The following RGS6 variants were observed in gnomAD, a reference collection of about 807,000 sequenced individuals.
RGS6 encodes regulator of G protein signaling 6.
Under a neutral mutation model 78.5 loss-of-function variants are expected in RGS6, and 30 were observed. That is an observed-to-expected ratio of 0.38 (90% CI 0.29 to 0.52). The LOEUF is 0.52. Ranked by LOEUF, RGS6 falls within the 20% of genes least tolerant of loss-of-function variation. RGS6 has a pLI of 0.85. For synonymous variants in RGS6, 206 were observed against 206.0 expected (o/e 1.00, Z 0.00); for missense variants, 495 against 609.7 (o/e 0.81, Z 1.98).
At chr14:72,235,415 A>G (rs1472313556) in intron 2 of RGS6, among the ~76,000 whole-genome samples, 1 of 152,250 alleles carries the variant, frequency 6.6e-6, no homozygotes, top group Non-Finnish European at 1.5e-5. Flanking sequence ...AGGACCCAAG[A>G]ATATGGAAGG....
chr14:71,873,091 G>A, the RGS6 span, among the ~76,000 whole-genome samples: 155 of 152,190 alleles, frequency 1.0e-3, no homozygotes, highest in African/African-American at 3.3e-3. Flanking sequence ...GAATAGTGCC[G>A]CAATAAACAT....
chr14:72,231,389 A>C (rs1293217935), intron 2 of RGS6, among the ~76,000 whole-genome samples: 1 of 152,176 alleles, frequency 6.6e-6, no homozygotes, highest in Admixed American at 6.5e-5. Flanking sequence ...GGTATATTGG[A>C]GTTTATTTAT....
In RGS6 at chr14:72,047,281, G is replaced by T. The variant is rs184716526; in HGVS notation, c.84+82406G>T. Reference sequence around the variant, plus strand: ...GATTAAACAATGTTGTTTCTGGAAAGAATAATAGAAATGGTTATTATTAGT... The same window carrying T: ...GATTAAACAATGTTGTTTCTGGAAATAATAATAGAAATGGTTATTATTAGT... On this transcript the variant is annotated intron_variant, in intron 2 of 17. Transcript: ENST00000553525. Among the ~76,000 whole-genome samples, 65 of 152,326 alleles carry T rather than the reference G, an allele frequency of 4.3e-4. 1 individual carries two copies. Among genetic ancestry groups the T allele is most frequent in the Admixed American group, 4.1e-3 (63 of 15,306 alleles).
At chr14:72,288,528 G>A (rs1007907242) in intron 2 of RGS6, among the ~76,000 whole-genome samples, 5 of 152,200 alleles carry the variant, frequency 3.3e-5, no homozygotes, top group Non-Finnish European at 5.9e-5. Context: ...GTCTGTCAGA[G>A]TTTGCCAGGT....
intron 2 of RGS6, among the ~76,000 whole-genome samples, chr14:72,295,720 C>T (rs940131373): frequency 2.0e-5 from 3 of 152,078 alleles, no homozygotes; most frequent in Non-Finnish European, 4.4e-5. Flanking sequence ...TAATATTTGA[C>T]ATTCTATTGG....
At chr14:72,202,718 A>G (rs1400674663) in intron 2 of RGS6, among the ~76,000 whole-genome samples, 1 of 151,822 alleles carries the variant, frequency 6.6e-6, no homozygotes, top group Non-Finnish European at 1.5e-5. Flanking sequence ...GGAGATGCAA[A>G]CCCTTGGAGG....
chr14:72,215,103 T>C (rs1053195806), intron 2 of RGS6, among the ~76,000 whole-genome samples: 1 of 152,224 alleles, frequency 6.6e-6, no homozygotes, highest in Non-Finnish European at 1.5e-5. Context: ...TTCGTTGTTG[T>C]TCATGTCACT....
chr14:71,987,339 G>C (rs1008668065), intron 2 of RGS6, among the ~76,000 whole-genome samples: 8 of 152,014 alleles, frequency 5.3e-5, no homozygotes, highest in African/African-American at 1.9e-4. Flanking sequence ...AGTGAGGATG[G>C]GAGGGTGGCT....
At chr14:71,922,860 A>ACAAAG in the RGS6 span, among the ~76,000 whole-genome samples, 1 of 129,860 alleles carries the variant, frequency 7.7e-6, no homozygotes, top group East Asian at 2.0e-4. Context: ...AAAAACAAAA[A>ACAAAG]CAAAACAAAA....
At chr14:72,345,901 C>A (rs897201350) in intron 2 of RGS6, among the ~76,000 whole-genome samples, 14 of 152,146 alleles carry the variant, frequency 9.2e-5, no homozygotes, top group African/African-American at 3.1e-4. Flanking sequence ...TGGGGCAGAG[C>A]CTGCTCAATG....
chr14:71,920,767 A>G, the RGS6 span, among the ~76,000 whole-genome samples: 1 of 152,216 alleles, frequency 6.6e-6, no homozygotes, highest in African/African-American at 2.4e-5. Flanking sequence ...TTGTCTTACT[A>G]GAATGCAGGT....
intron 6 of RGS6, among the ~76,000 whole-genome samples, chr14:72,463,330 G>C (rs2095828382): frequency 6.6e-6 from 1 of 152,230 alleles, no homozygotes; most frequent in South Asian, 2.1e-4. Flanking sequence ...TTGGAAGTTA[G>C]AGCAAGCCCT....
In RGS6 at chr14:72,352,115, G is replaced by A; in HGVS notation, c.105G>A (p.Lys35=). The A allele has an allele frequency of 6.2e-7, 1 of 1,612,700 alleles. No individual in the cohort carries two copies. Among genetic ancestry groups the A allele is most frequent in the East Asian group, 2.2e-5 (1 of 44,820 alleles). ...VYCKIEDIIT[K]MQDDKTGGVP... is the part of the protein sequence containing the mutation. ...TTCAGATTGAAGACATCATTACAAA[G>A]ATGCAAGATGACAAGACAGGGGGTG... is the stretch of plus-strand genomic sequence containing the variant. The change falls in exon 3 of 18, where the codon AAG becomes AAA. Residue 35 remains lysine (K), a synonymous_variant. Transcript: ENST00000553525.
chr14:72,006,975 G>A (rs1221580481), intron 2 of RGS6, among the ~76,000 whole-genome samples: 1 of 152,132 alleles, frequency 6.6e-6, no homozygotes, highest in Non-Finnish European at 1.5e-5. Context: ...CAAGGAAAAT[G>A]GGAGAAATCC....
chr14:72,262,059 A>G (rs553465852), intron 2 of RGS6, among the ~76,000 whole-genome samples: 190 of 151,972 alleles, frequency 1.3e-3, no homozygotes, highest in African/African-American at 4.5e-3. Flanking sequence ...TTTTAATTGC[A>G]TTAGTCACTA....
At position 72,537,743 on chromosome 14, in the gene RGS6, C is replaced by T. The variant is rs1020166972; in HGVS notation, c.1368+1468C>T. On this transcript the variant is annotated intron_variant, in intron 16 of 17. Transcript: ENST00000553525. ...AGTAAGTTTTTCTTATTTTCTGTGG[C>T]TCAAGACCCCTGATCTGATCACAGT... The T allele has an allele frequency of 5.0e-6, 3 of 596,610 alleles. No homozygotes were observed. The African/African-American group carries it at 5.6e-5, about 11-fold the overall frequency. The allele number at this position is 596,610 out of a possible 1,614,324, so 37.0% of individuals were successfully genotyped here.
chr14:72,458,152 T>TTG (rs1292243881), intron 4 of RGS6, 119 bp from the exon 5 acceptor site: 28 of 729,306 alleles, frequency 3.8e-5, no homozygotes, highest in Non-Finnish European at 6.0e-5. Flanking sequence ...GCAAGGGCAA[T>TTG]TGTATCATCA....
chr14:72,125,354 T>C (rs2096163066), intron 2 of RGS6, among the ~76,000 whole-genome samples: 1 of 152,194 alleles, frequency 6.6e-6, no homozygotes, highest in South Asian at 2.1e-4. Context: ...AAGACTGCTG[T>C]GCTGTGCGTG....
At chr14:72,348,107 G>A (rs1596089830) in intron 2 of RGS6, among the ~76,000 whole-genome samples, 1 of 152,170 alleles carries the variant, frequency 6.6e-6, no homozygotes, top group Non-Finnish European at 1.5e-5. Flanking sequence ...CACTCACTGG[G>A]TTCATGCCTC....
Sources: allele counts gnomAD v4.1 joint callset (sites outside exome capture counted in the v4.1 genomes callset), GRCh38; gene constraint gnomAD v4.1.1; transcripts MANE v1.5; gene names NCBI Gene and HGNC (gene_info 2026-07-23, HGNC 2026-07-21).